The following WWOX variants were observed in gnomAD, a reference collection of about 807,000 sequenced individuals.
The protein encoded by WWOX is WW domain-containing oxidoreductase.
Under a neutral mutation model 46.2 loss-of-function variants are expected in WWOX, and 69 were observed. The ratio of observed to expected loss-of-function variants is 1.49; its 90% CI spans 1.23 to 1.82. WWOX has a LOEUF of 1.82. WWOX is among the 40% of genes most tolerant of loss of function. WWOX has a pLI of 0.00. For missense variants in WWOX, 919 were observed against 542.6 expected (o/e 1.69, Z -6.89); for synonymous variants, 359 against 202.6 (o/e 1.77, Z -6.56).
chr16:78,436,973 T>C (rs1174082204), intron 8 of WWOX, among the ~76,000 whole-genome samples: 2 of 152,214 alleles, frequency 1.3e-5, no homozygotes, highest in African/African-American at 4.8e-5. Context: ...TTTCTAATTG[T>C]GATTGAGAAG....
intron 8 of WWOX, among the ~76,000 whole-genome samples, chr16:79,078,753 G>A (rs1029713200): frequency 2.6e-5 from 4 of 152,176 alleles, no homozygotes; most frequent in African/African-American, 9.7e-5. Context: ...ATGATTTCTG[G>A]TCCATCTTTT....
chr16:78,633,240 T>C (rs972533291), intron 8 of WWOX, among the ~76,000 whole-genome samples: 2 of 152,058 alleles, frequency 1.3e-5, no homozygotes, highest in African/African-American at 2.4e-5. Flanking sequence ...CCATGCTAGG[T>C]GACAGAGCAA....
intron 6 of WWOX, among the ~76,000 whole-genome samples, chr16:78,415,472 G>T (rs778626695): frequency 6.6e-6 from 1 of 152,082 alleles, no homozygotes; most frequent in Non-Finnish European, 1.5e-5. Context: ...CTGACCTCGT[G>T]GGAATGCAGC....
rs1002075461 is a variant in WWOX, at chr16:78,794,353, C to T, written c.1056+361601C>T. Among the ~76,000 whole-genome samples the T allele has an allele frequency of 2.0e-5, 3 of 152,110 alleles. No homozygotes were observed. In the South Asian group the frequency reaches 6.2e-4, roughly 32 times the overall value. On this transcript the variant is annotated intron_variant, in intron 8 of 8. Transcript: ENST00000566780. ...CCCCAGGAGTCTCTCTCGGTCTGTTCTGGCTCAGGAAGCTGCCTTATTTGT... is the reference window on the plus strand; with the variant it reads ...CCCCAGGAGTCTCTCTCGGTCTGTTTTGGCTCAGGAAGCTGCCTTATTTGT...
chr16:78,423,079 G>A (rs1227049552), intron 6 of WWOX, among the ~76,000 whole-genome samples: 1 of 151,598 alleles, frequency 6.6e-6, no homozygotes, highest in Admixed American at 6.6e-5. Flanking sequence ...AGAGATGGGG[G>A]TTTCACCATG....
intron 8 of WWOX, among the ~76,000 whole-genome samples, chr16:78,944,752 A>G (rs1429914879): frequency 1.3e-5 from 2 of 152,152 alleles, no homozygotes. Flanking sequence ...TATGACACTG[A>G]TCCTTAGCCC....
At chr16:78,764,795 A>G (rs908037724) in intron 8 of WWOX, among the ~76,000 whole-genome samples, 2 of 151,834 alleles carry the variant, frequency 1.3e-5, no homozygotes, top group Non-Finnish European at 2.9e-5. Context: ...TGAACACGGT[A>G]AACAACTTAC....
intron 8 of WWOX, among the ~76,000 whole-genome samples, chr16:79,032,908 C>T (rs556751383): frequency 5.2e-4 from 79 of 151,550 alleles, no homozygotes; most frequent in African/African-American, 1.7e-3. Flanking sequence ...TCCTGCTCTT[C>T]TCCCTCCTGC....
chr16:79,061,435 G>A (rs927151888), intron 8 of WWOX, among the ~76,000 whole-genome samples: 1 of 152,228 alleles, frequency 6.6e-6, no homozygotes, highest in South Asian at 2.1e-4. Flanking sequence ...ACTGGTATAA[G>A]TAGCAAAGCA....
At chr16:78,304,563 A>G (rs1271002070) in intron 5 of WWOX, among the ~76,000 whole-genome samples, 1 of 152,198 alleles carries the variant, frequency 6.6e-6, no homozygotes, top group Non-Finnish European at 1.5e-5. Context: ...TCACTTCACA[A>G]TATTTCATAG....
chr16:78,822,333 A>G (rs1240632512), intron 8 of WWOX, among the ~76,000 whole-genome samples: 2 of 152,154 alleles, frequency 1.3e-5, no homozygotes, highest in Non-Finnish European at 1.5e-5. Flanking sequence ...ATCTCTACTA[A>G]AAACACAAAA....
At position 78,744,556 on chromosome 16, in the gene WWOX, C is replaced by G. The variant is rs62036149; in HGVS notation, c.1056+311804C>G. On this transcript the variant is annotated intron_variant, in intron 8 of 8. Transcript: ENST00000566780. ...AAGCAATTTTCTTGCCTCAGCCTCCCGAGTAGCTGGGATTACAGGCACCTG... is the reference window on the plus strand; with the variant it reads ...AAGCAATTTTCTTGCCTCAGCCTCCGGAGTAGCTGGGATTACAGGCACCTG... 2.3e-3 allele frequency among the ~76,000 whole-genome samples: 344 copies of G among 151,290 alleles called. 1 individual carries two copies. Among genetic ancestry groups the G allele is most frequent in the Middle Eastern group, 0.014 (4 of 290 alleles).
intron 8 of WWOX, among the ~76,000 whole-genome samples, chr16:78,871,939 T>C (rs1159104895): frequency 1.3e-5 from 2 of 152,172 alleles, no homozygotes; most frequent in Non-Finnish European, 2.9e-5. Context: ...ACCTGTTTTC[T>C]TCCAGCCATG....
intron 8 of WWOX, among the ~76,000 whole-genome samples, chr16:79,099,423 TG>T (rs2049144862): frequency 7.2e-5 from 11 of 152,194 alleles, no homozygotes; most frequent in Admixed American, 7.2e-4. Flanking sequence ...GTGGAGACTG[TG>T]GTAAACTGCA....
At chr16:78,105,330 C>T (rs912559955) in intron 1 of WWOX, among the ~76,000 whole-genome samples, 4 of 152,062 alleles carry the variant, frequency 2.6e-5, no homozygotes, top group African/African-American at 4.8e-5. Flanking sequence ...GGCATGGTGG[C>T]AGGTGCCTGT....
At chr16:78,821,173 C>T (rs1001444931) in intron 8 of WWOX, among the ~76,000 whole-genome samples, 2 of 152,160 alleles carry the variant, frequency 1.3e-5, no homozygotes, top group Non-Finnish European at 2.9e-5. Context: ...TATTTGCCTT[C>T]TCTGTGTTGG....
intron 8 of WWOX, among the ~76,000 whole-genome samples, chr16:78,445,833 G>C (rs1351737292): frequency 6.6e-6 from 1 of 150,982 alleles, no homozygotes; most frequent in Non-Finnish European, 1.5e-5. Context: ...AGCAGAGATC[G>C]TGCCACTGTA....
intron 8 of WWOX, among the ~76,000 whole-genome samples, chr16:78,658,651 C>T (rs548005150): frequency 1.1e-4 from 17 of 152,280 alleles, no homozygotes; most frequent in African/African-American, 3.4e-4. Context: ...TCTCCGCCTC[C>T]GCCTTCACAT....
At chr16:78,539,574 A>T (rs1286908704) in intron 8 of WWOX, among the ~76,000 whole-genome samples, 1 of 152,222 alleles carries the variant, frequency 6.6e-6, no homozygotes, top group African/African-American at 2.4e-5. Flanking sequence ...TTCATTGTAG[A>T]GTGCACACAT....
Sources: allele counts gnomAD v4.1 joint callset (sites outside exome capture counted in the v4.1 genomes callset), GRCh38; gene constraint gnomAD v4.1.1; transcripts MANE v1.5; gene names NCBI Gene and HGNC (gene_info 2026-07-23, HGNC 2026-07-21).